The following DHX38 variants were observed in gnomAD, a reference collection of about 807,000 sequenced individuals.
DHX38 encodes the protein DEAH-box helicase 38.
In DHX38, 100 loss-of-function variants were observed where a neutral mutation model predicts 153.1. The observed-to-expected ratio is 0.65, with a 90% CI of 0.56 to 0.77. The LOEUF (loss-of-function observed/expected upper bound fraction) is 0.77. DHX38 is among the 30% of genes least tolerant of loss of function. DHX38 has a pLI of 0.00. For missense variants in DHX38, 1,440 were observed against 1,654.0 expected, an observed-to-expected ratio of 0.87 and a Z score of 2.24; for synonymous variants, 650 against 631.7, an observed-to-expected ratio of 1.03 and a Z score of -0.43.
chr16:72,102,932 A>G, intron 11 of DHX38, 142 bp from the exon 12 acceptor site: 1 of 1,194,168 alleles, frequency 8.4e-7, no homozygotes. Flanking sequence ...GATGAGAACC[A>G]TCTCAGATTC....
At position 72,104,962 on chromosome 16, in the gene DHX38, C is replaced by G; in HGVS notation, c.2152-65C>G. On this transcript the variant is annotated intron_variant, in intron 15 of 26. Coordinates refer to ENST00000268482, the MANE Select transcript of DHX38 (RefSeq NM_014003.4). The surrounding 1 kb of genome is among the most constrained non-coding windows in gnomAD (Gnocchi z 4.5). ...AGAGCAGTGCCTGGGCCACTGGGCT[C>G]CCAGGAGATGCCCGGCCTGCGCTTC... The G allele has an allele frequency of 6.6e-7, 1 of 1,503,762 alleles. No individual in the cohort carries two copies. Among genetic ancestry groups the G allele is most frequent in the Non-Finnish European group, 9.1e-7 (1 of 1,102,280 alleles). 93.2% of individuals were successfully genotyped at this position (1,503,762 alleles called of 1,614,324 possible).
rs984888316 is a variant in DHX38 at position 72,104,268 on chromosome 16, G to T, written c.2010+137G>T. On this transcript the variant is annotated intron_variant, in intron 14 of 26. Coordinates refer to ENST00000268482, the MANE Select transcript of DHX38 (RefSeq NM_014003.4). This position sits in a 1 kb window ranked among gnomAD's most constrained non-coding sequence, Gnocchi z 4.5. The stretch of plus-strand genomic sequence containing the variant: ...TCCTGAGGCCTCTGGTTGCAGTTCA[G>T]ACTCGGGTTGTAGTTCATGCTGTTC... 1 of 1,263,892 alleles carries T rather than the reference G, an allele frequency of 7.9e-7. No individual in the cohort carries two copies. The allele number at this position is 1,263,892 out of a possible 1,614,324, so 78.3% of individuals were successfully genotyped here.
chr16:72,104,091 G>C lies in DHX38; in HGVS notation c.1970G>C (p.Arg657Pro). The C allele has an allele frequency of 6.2e-7, 1 of 1,614,138 alleles. No homozygotes were observed. Among genetic ancestry groups the C allele is most frequent in the South Asian group, 1.1e-5 (1 of 91,080 alleles). The change falls in exon 14 of 27, where the codon CGC (arginine) becomes CCC (proline). Residue 657 changes from arginine to proline, a missense_variant. Transcript: ENST00000268482. This position sits in a 1 kb window ranked among gnomAD's most constrained non-coding sequence, Gnocchi z 4.5. ...SAIIMDEAHE[R>P]SLNTDVLFGL... is the part of the protein sequence containing the mutation. The stretch of plus-strand genomic sequence containing the variant: ...ATCATCATGGACGAGGCCCACGAGC[G>C]CTCCCTCAACACTGACGTGCTCTTT...
intron 8 of DHX38, 59 bp from the exon 9 acceptor site, chr16:72,100,377 C>A (rs951389005): frequency 6.4e-7 from 1 of 1,573,464 alleles, no homozygotes; most frequent in Non-Finnish European, 8.6e-7. Context: ...TACCTCATAA[C>A]CTTTCAGGAC....
chr16:72,103,095 T>A lies in DHX38; in HGVS notation c.1521T>A (p.Asp507Glu), dbSNP rs761435461. 2.8e-5 allele frequency: 46 copies of A among 1,614,052 alleles called. No homozygotes were observed. The highest frequency in any genetic ancestry group is 3.9e-5 in the Non-Finnish European group (46 of 1,180,032). Residue 507 changes from aspartate to glutamate, a missense_variant, in exon 12 of 27, where the codon GAT becomes GAA. Asp to Glu is a conservative substitution (Grantham distance 45). Around this residue, in one of 6 missense-constraint regions of DHX38, gnomAD observed 241 missense variants for 229.5 expected, o/e 1.05. Transcript: ENST00000268482. ...CTAGGACAGAGCAGAAGTTTGCAGATCACATGAAGAGAAAGAGCGAAGCCA... is the reference window on the plus strand; with the variant it reads ...CTAGGACAGAGCAGAAGTTTGCAGAACACATGAAGAGAAAGAGCGAAGCCA... ...VDYRTEQKFADHMKRKSEASS... is the reference protein window; with the variant it reads ...VDYRTEQKFAEHMKRKSEASS...
In DHX38 at chr16:72,112,827, G is replaced by A. The variant is rs1323330544; in HGVS notation, c.*330G>A. 2.3e-5 allele frequency: 16 copies of A among 702,446 alleles called. No individual in the cohort carries two copies. The highest frequency in any genetic ancestry group is 6.0e-5 in the Admixed American group (3 of 49,978). The allele number at this position is 702,446 out of a possible 1,614,324, so 43.5% of individuals were successfully genotyped here. ...TGTGGCTGTCTTTTTTAATCCTTGT[G>A]TAAAGCAGCAAAAAAGACCTAAAGG... On this transcript the variant is annotated 3_prime_UTR_variant, in exon 27 of 27. Transcript: ENST00000268482.
At chr16:72,100,358 G>T (rs531416938) in intron 8 of DHX38, 78 bp from the exon 9 acceptor site, 1 of 1,532,736 alleles carries the variant, frequency 6.5e-7, no homozygotes, top group Non-Finnish European at 8.8e-7. Flanking sequence ...AGGACTTGAT[G>T]TGTGGACTTA....
rs893005252 is a variant in DHX38, at chr16:72,098,732, C to T, written c.704C>T (p.Pro235Leu). 8.7e-6 allele frequency: 14 copies of T among 1,614,168 alleles called. No individual in the cohort carries two copies. Among genetic ancestry groups the T allele is most frequent in the Admixed American group, 1.7e-5 (1 of 60,028 alleles). The stretch of plus-strand genomic sequence containing the variant: ...CGCTCACAGTGGGAATCGCCCTCCC[C>T]GACGCCTTCCTATCGGGATTCTGAG... ...SRRSQWESPS[P>L]TPSYRDSERS... The change falls in exon 5 of 27, where the codon CCG becomes CTG. Residue 235 changes from proline to leucine, a missense_variant. Around this residue, in one of 6 missense-constraint regions of DHX38, gnomAD observed 483 missense variants for 465.1 expected, o/e 1.04. Transcript: ENST00000268482.
chr16:72,097,834 G>A (rs977179024), intron 4 of DHX38, 53 bp downstream of exon 4: 2 of 1,484,614 alleles, frequency 1.3e-6, no homozygotes, highest in Admixed American at 1.9e-5. Context: ...AAAAGGCAGA[G>A]TGAGTGACTC....
In DHX38 at chr16:72,109,526, T is replaced by C. The variant is rs761704763; in HGVS notation, c.3477+16T>C. On this transcript the variant is annotated intron_variant, in intron 25 of 26. Coordinates refer to ENST00000268482, the MANE Select transcript of DHX38 (RefSeq NM_014003.4). ...GTCACGGCAGGTGAGGATTCTGTGC[T>C]CTTCGCAGGGGTGCTGTTTGCCTGT... 1.2e-6 allele frequency: 2 copies of C among 1,605,858 alleles called. No homozygotes were observed. The highest frequency in any genetic ancestry group is 1.7e-6 in the Non-Finnish European group (2 of 1,176,486).
intron 11 of DHX38, among the ~76,000 whole-genome samples, chr16:72,102,416 G>C (rs564617368): frequency 6.6e-4 from 101 of 152,284 alleles, no homozygotes; most frequent in Non-Finnish European, 1.3e-3. Context: ...TTGGGGAGGG[G>C]TGTGTGGACT....
rs745378759 is a variant in DHX38, at chr16:72,106,083, C to T, written c.2566C>T (p.Arg856Ter). ...GGCCAATGCCAACCAGCGGTCAGGG[C>T]GAGCCGGCAGGACGGGCCCAGGTCA... ...SQANANQRSG[R>*]AGRTGPGQCF... Residue 856 changes from arginine to a stop codon, truncating the protein, a stop_gained, in exon 19 of 27, where the codon CGA (arginine) becomes TGA (stop). Coordinates refer to ENST00000268482, the MANE Select transcript of DHX38 (RefSeq NM_014003.4). LOFTEE classifies it high-confidence loss of function. The T allele has an allele frequency of 4.3e-6, 7 of 1,614,074 alleles. No homozygotes were observed. Among genetic ancestry groups the T allele is most frequent in the Non-Finnish European group, 4.2e-6 (5 of 1,180,042 alleles).
chr16:72,108,104 G>T (rs2042205122), intron 21 of DHX38, 123 bp from the exon 22 acceptor site: 16 of 1,179,932 alleles, frequency 1.4e-5, no homozygotes, highest in Non-Finnish European at 1.9e-5. Context: ...AATTGTCAGG[G>T]CAACCTATTG....
chr16:72,104,664 G>C lies in DHX38; in HGVS notation c.2151+38G>C, dbSNP rs751861033. 1.2e-6 allele frequency: 2 copies of C among 1,612,818 alleles called. No individual in the cohort carries two copies. Among genetic ancestry groups the C allele is most frequent in the East Asian group, 2.2e-5 (1 of 44,838 alleles). On this transcript the variant is annotated intron_variant, in intron 15 of 26. Transcript: ENST00000268482. This position sits in a 1 kb window ranked among gnomAD's most constrained non-coding sequence, Gnocchi z 4.5. ...CCATGTTACGAACTGACCCTTCCATGCCACGCACTTCTCTGATGCGAAGCC... is the reference window on the plus strand; with the variant it reads ...CCATGTTACGAACTGACCCTTCCATCCCACGCACTTCTCTGATGCGAAGCC...
chr16:72,105,484 C>T (rs932161619), intron 17 of DHX38, 33 bp from the exon 18 acceptor site: 1 of 1,611,370 alleles, frequency 6.2e-7, no homozygotes, highest in African/African-American at 1.3e-5. Flanking sequence ...TCTCGAGGGA[C>T]TCATTTTTCC....
Position 72,109,456 on chromosome 16 carries a change from G to A in DHX38, c.3423G>A (p.Leu1141=). 1 of 1,613,272 alleles carries A rather than the reference G, an allele frequency of 6.2e-7. No homozygotes were observed. Among genetic ancestry groups the A allele is most frequent in the Non-Finnish European group, 8.5e-7 (1 of 1,179,782 alleles). ...QCVTAVDGEW[L]AELGPMFYSV... ...TGACCGCTGTGGACGGGGAGTGGCT[G>A]GCGGAGCTGGGCCCCATGTTCTATA... The change falls in exon 25 of 27, where the codon CTG becomes CTA. Residue 1141 remains leucine (L), a synonymous_variant. Transcript: ENST00000268482.
At chr16:72,110,059 A>G (rs137952997) in intron 25 of DHX38, among the ~76,000 whole-genome samples, 1 of 152,356 alleles carries the variant, frequency 6.6e-6, no homozygotes, top group East Asian at 1.9e-4. Flanking sequence ...ATAACTTCTT[A>G]TGATCGATTT....
intron 26 of DHX38, chr16:72,112,058 A>G (rs2042264073): frequency 3.7e-6 from 1 of 268,460 alleles, no homozygotes; most frequent in Non-Finnish European, 7.2e-6. Flanking sequence ...CACTTGGGAA[A>G]TTCCAAGGGT....
chr16:72,093,960 T>C lies in DHX38; in HGVS notation c.-111T>C, dbSNP rs1223651628. 1 of 152,350 alleles carries C rather than the reference T, an allele frequency of 6.6e-6. No homozygotes were observed. Among genetic ancestry groups the C allele is most frequent in the African/African-American group, 2.4e-5 (1 of 41,426 alleles). The allele number at this position is 152,350 out of a possible 1,614,324, so 9.4% of individuals were successfully genotyped here. ...ATAATGGCCGCTTTCAAGGTGTGGA[T>C]TTTGGCTCCTTGAGCCTGTCTGAGC... On this transcript the variant is annotated 5_prime_UTR_variant, in exon 1 of 27. Coordinates refer to ENST00000268482, the MANE Select transcript of DHX38 (RefSeq NM_014003.4).
Sources: gnomAD v4.1 joint callset for allele counts (sites outside exome capture counted in the v4.1 genomes callset) on GRCh38, gnomAD v4.1.1 for gene constraint, gnomAD v4.1.1 regional missense constraint, Gnocchi (gnomAD v3.1) non-coding constraint, MANE v1.5 for transcripts, NCBI Gene and HGNC (gene_info 2026-07-23, HGNC 2026-07-21) for gene names.